TTC38: variants seen among roughly 807,000 people sequenced by gnomAD.
TTC38 encodes the protein tetratricopeptide repeat domain 38, also known as tetratricopeptide repeat protein 38.
In TTC38, 64 loss-of-function variants were observed where a neutral mutation model predicts 64.2. The observed-to-expected ratio is 1.00, with a 90% CI of 0.81 to 1.23. TTC38 has a LOEUF of 1.23. Ranked by LOEUF, TTC38 falls within the 50% of genes most tolerant of loss-of-function variation. The pLI, the probability that TTC38 is intolerant of heterozygous loss-of-function variation, is 0.00. For synonymous variants in TTC38, 254 were observed against 249.3 expected, an observed-to-expected ratio of 1.02 and a Z score of -0.18; for missense variants, 573 against 615.5, an observed-to-expected ratio of 0.93 and a Z score of 0.73.
At chr22:46,278,878 T>A (rs2077513307) in intron 6 of TTC38, among the ~76,000 whole-genome samples, 1 of 152,200 alleles carries the variant, frequency 6.6e-6, no homozygotes, top group Non-Finnish European at 1.5e-5. Flanking sequence ...AGAGCCACGT[T>A]CCTTGGCTAA....
At chr22:46,286,225 C>G (rs2077570601) in intron 9 of TTC38, among the ~76,000 whole-genome samples, 1 of 152,184 alleles carries the variant, frequency 6.6e-6, no homozygotes, top group African/African-American at 2.4e-5. Flanking sequence ...TCACAGCTCC[C>G]AAGGACCCCA....
rs1284342595 is a variant in TTC38 at position 46,277,036 on chromosome 22, T to TAC, written c.540-1549_540-1548insCA. 1.8e-3 allele frequency among the ~76,000 whole-genome samples: 140 copies of TAC among 78,254 alleles called. 1 individual carries two copies. Among genetic ancestry groups the TAC allele is most frequent in the African/African-American group, 8.3e-3 (135 of 16,298 alleles). The allele number at this position is 78,254 out of a possible 152,430, so 51.3% of individuals were successfully genotyped here. ...TTAAATGACCCCAGTAAACAATACATATATATACATACACACACACACACA... is the reference window on the plus strand; with the variant it reads ...TTAAATGACCCCAGTAAACAATACATACATATATACATACACACACACACACA... On this transcript the variant is annotated intron_variant, in intron 5 of 13. Coordinates refer to ENST00000381031, the MANE Select transcript of TTC38 (RefSeq NM_017931.4).
Position 46,277,880 on chromosome 22 carries a change from C to T in TTC38, c.540-706C>T, listed in dbSNP as rs1196865528. The stretch of plus-strand genomic sequence containing the variant: ...CCCAGGGAGGTGCCCCTGGGTCATG[C>T]CTCTGGGTGGATGTCACCATGCAGA... On this transcript the variant is annotated intron_variant, in intron 5 of 13. Transcript: ENST00000381031. 2.6e-5 allele frequency among the ~76,000 whole-genome samples: 4 copies of T among 152,246 alleles called. No individual in the cohort carries two copies. In the East Asian group the frequency reaches 7.8e-4, roughly 30 times the overall value.
In TTC38 at chr22:46,290,000, C is replaced by T. The variant is rs1175571950; in HGVS notation, c.1316+101C>T. On this transcript the variant is annotated intron_variant, in intron 13 of 13. Transcript: ENST00000381031. ...CCCACCACCCTTGGCCCGAGATGCTCCTGCTTCTGAGGCTGTGAGGTCGGG... is the reference window on the plus strand; with the variant it reads ...CCCACCACCCTTGGCCCGAGATGCTTCTGCTTCTGAGGCTGTGAGGTCGGG... The T allele has an allele frequency of 2.6e-5, 27 of 1,058,130 alleles. 2 individuals are homozygous for T. The South Asian group carries it at 2.7e-4, about 10-fold the overall frequency. The allele number at this position is 1,058,130 out of a possible 1,614,324, so 65.5% of individuals were successfully genotyped here. A position where few individuals can be genotyped will look rare whatever the true frequency, so the allele number is the denominator to read the frequency against.
chr22:46,269,895 C>T (rs969422459), intron 2 of TTC38, among the ~76,000 whole-genome samples: 14 of 152,192 alleles, frequency 9.2e-5, no homozygotes, highest in African/African-American at 3.1e-4. Flanking sequence ...CGGGTTCAAG[C>T]GATTGCCCTG....
rs2077544823 is a variant in TTC38 at position 46,282,883 on chromosome 22, G to A, written c.736-1090G>A. Among the ~76,000 whole-genome samples the A allele has an allele frequency of 6.6e-6, 1 of 152,190 alleles. No homozygotes were observed. The highest frequency in any genetic ancestry group is 1.5e-5 in the Non-Finnish European group (1 of 68,024). Reference sequence around the variant, plus strand: ...TCCCCTGGCTCTCGGGGCTTTGCCAGCACCTGTTGGAGTGTGGCCCTGGGC... The same window carrying A: ...TCCCCTGGCTCTCGGGGCTTTGCCAACACCTGTTGGAGTGTGGCCCTGGGC... On this transcript the variant is annotated intron_variant, in intron 7 of 13. Transcript: ENST00000381031. The surrounding 1 kb of genome is among the most constrained non-coding windows in gnomAD (Gnocchi z 4.4).
intron 2 of TTC38, chr22:46,269,264 G>A (rs1168448625): frequency 6.7e-6 from 2 of 297,496 alleles, no homozygotes; most frequent in South Asian, 5.3e-5. Flanking sequence ...TGCTTAGGAC[G>A]TGGGATCCTG....
rs188484538 is a variant in TTC38, at chr22:46,292,133, T to G, written c.1317-658T>G. ...TTTCTTGCTGTGTCCTCACATGACCTTTCCTTTGAGTGCTAATTCTTTCAC... is the reference window on the plus strand; with the variant it reads ...TTTCTTGCTGTGTCCTCACATGACCGTTCCTTTGAGTGCTAATTCTTTCAC... On this transcript the variant is annotated intron_variant, in intron 13 of 13. Transcript: ENST00000381031. The surrounding 1 kb of genome is among the most constrained non-coding windows in gnomAD (Gnocchi z 6.5). 6 of 409,786 alleles carry G rather than the reference T, an allele frequency of 1.5e-5. No homozygotes were observed. The East Asian group carries it at 4.3e-4, about 29-fold the overall frequency. The allele number at this position is 409,786 out of a possible 1,614,324, so 25.4% of individuals were successfully genotyped here.
chr22:46,281,828 T>G lies in TTC38; in HGVS notation c.735+110T>G, dbSNP rs1601877568. On this transcript the variant is annotated intron_variant, in intron 7 of 13. Transcript: ENST00000381031. The surrounding 1 kb of genome is among the most constrained non-coding windows in gnomAD (Gnocchi z 5.2). Reference sequence around the variant, plus strand: ...CAGGGCATGGCTTAATTCTCGGGGTTCCCTCTCCTCCTCCACCTGCACCTG... The same window carrying G: ...CAGGGCATGGCTTAATTCTCGGGGTGCCCTCTCCTCCTCCACCTGCACCTG... 1 of 1,433,008 alleles carries G rather than the reference T, an allele frequency of 7.0e-7. No individual in the cohort carries two copies. The highest frequency in any genetic ancestry group is 9.7e-7 in the Non-Finnish European group (1 of 1,033,072). 88.8% of individuals were successfully genotyped at this position (1,433,008 alleles called of 1,614,324 possible).
intron 8 of TTC38, 113 bp downstream of exon 8, chr22:46,284,145 G>C: frequency 1.2e-6 from 1 of 856,594 alleles, no homozygotes; most frequent in Admixed American, 2.3e-5. Flanking sequence ...ATGCAATGGA[G>C]CATTAACATT....
chr22:46,273,863 T>C lies in TTC38; in HGVS notation c.194-35T>C. The C allele has an allele frequency of 6.2e-7, 1 of 1,611,826 alleles. No individual in the cohort carries two copies. The highest frequency in any genetic ancestry group is 1.1e-5 in the South Asian group (1 of 90,972). Reference sequence around the variant, plus strand: ...GGCTGGGATGGGCTGAGCTGGACCATCTGAACCACCAGCCGTTCTCTAACC... The same window carrying C: ...GGCTGGGATGGGCTGAGCTGGACCACCTGAACCACCAGCCGTTCTCTAACC... On this transcript the variant is annotated intron_variant, in intron 3 of 13. Transcript: ENST00000381031. This position sits in a 1 kb window ranked among gnomAD's most constrained non-coding sequence, Gnocchi z 5.1.
chr22:46,287,699 C>T (rs2077581682), intron 10 of TTC38, among the ~76,000 whole-genome samples: 1 of 152,178 alleles, frequency 6.6e-6, no homozygotes, highest in Non-Finnish European at 1.5e-5. Flanking sequence ...CCTGGAACCA[C>T]AGAGGCCTGG....
intron 2 of TTC38, chr22:46,269,096 C>A (rs12483877): frequency 0.012 from 5,034 of 416,410 alleles, 178 homozygotes; most frequent in East Asian, 0.057. Flanking sequence ...CTGCCCCCCC[C>A]CCACAGCGTC....
Position 46,281,505 on chromosome 22 carries a change from G to T in TTC38, c.616-94G>T. 1 of 1,217,692 alleles carries T rather than the reference G, an allele frequency of 8.2e-7. No homozygotes were observed. 75.4% of individuals were successfully genotyped at this position (1,217,692 alleles called of 1,614,324 possible). On this transcript the variant is annotated intron_variant, in intron 6 of 13. Coordinates refer to ENST00000381031, the MANE Select transcript of TTC38 (RefSeq NM_017931.4). This position sits in a 1 kb window ranked among gnomAD's most constrained non-coding sequence, Gnocchi z 5.2. ...CACTTGCTCCACCCCGTTCAGCCCA[G>T]GCCCCTCTTGCCCCTTAGAGACCTG...
At chr22:46,278,438 C>CT in intron 5 of TTC38, 148 bp from the exon 6 acceptor site, 1 of 675,962 alleles carries the variant, frequency 1.5e-6, no homozygotes, top group Non-Finnish European at 2.6e-6. Flanking sequence ...CTCCTCTAAA[C>CT]TTATTACCTC....
Position 46,282,129 on chromosome 22 carries a change from G to A in TTC38, c.735+411G>A, listed in dbSNP as rs2092891224. Reference sequence around the variant, plus strand: ...GCATCCTGGAGGGGGCAACCTCTGAGTTGGCTACTGAAGGATGAGCAGGTG... The same window carrying A: ...GCATCCTGGAGGGGGCAACCTCTGAATTGGCTACTGAAGGATGAGCAGGTG... On this transcript the variant is annotated intron_variant, in intron 7 of 13. Coordinates refer to ENST00000381031, the MANE Select transcript of TTC38 (RefSeq NM_017931.4). This position sits in a 1 kb window ranked among gnomAD's most constrained non-coding sequence, Gnocchi z 4.4. 3 of 384,204 alleles carry A rather than the reference G, an allele frequency of 7.8e-6. No homozygotes were observed. In the Admixed American group the frequency reaches 9.5e-5, roughly 12 times the overall value. 23.8% of individuals were successfully genotyped at this position (384,204 alleles called of 1,614,324 possible). A position where few individuals can be genotyped will look rare whatever the true frequency, so the allele number is the denominator to read the frequency against.
chr22:46,268,156 A>G, intron 1 of TTC38, 84 bp downstream of exon 1: 2 of 1,445,080 alleles, frequency 1.4e-6, no homozygotes, highest in Non-Finnish European at 1.9e-6. Flanking sequence ...AACGGGAGAC[A>G]TGGCCCGGGC....
Position 46,287,292 on chromosome 22 carries a change from C to T in TTC38, c.916+138C>T, listed in dbSNP as rs909742181. 1.3e-4 allele frequency: 90 copies of T among 677,134 alleles called. No individual in the cohort carries two copies. The East Asian group carries it at 2.6e-3, about 19-fold the overall frequency. 41.9% of individuals were successfully genotyped at this position (677,134 alleles called of 1,614,324 possible). On this transcript the variant is annotated intron_variant, in intron 10 of 13. Transcript: ENST00000381031. ...GACCCCTCTGCAGGCCTGGCCACTG[C>T]CTTGGGTACCGTTCTGCAGCTGCCT...
chr22:46,270,139 C>T lies in TTC38; in HGVS notation c.111+1548C>T, dbSNP rs1936862809. On this transcript the variant is annotated intron_variant, in intron 2 of 13. Transcript: ENST00000381031. This position sits in a 1 kb window ranked among gnomAD's most constrained non-coding sequence, Gnocchi z 4.7. Reference sequence around the variant, plus strand: ...ACCACATCCCCAATCAGTGGCAGCTCATCCTCCCAGCCTGGGTATATTTTG... The same window carrying T: ...ACCACATCCCCAATCAGTGGCAGCTTATCCTCCCAGCCTGGGTATATTTTG... Among the ~76,000 whole-genome samples, 1 of 152,224 alleles carries T rather than the reference C, an allele frequency of 6.6e-6. No individual in the cohort carries two copies. The highest frequency in any genetic ancestry group is 1.9e-4 in the East Asian group (1 of 5,194).
Sources: gnomAD v4.1 joint callset for allele counts (sites outside exome capture counted in the v4.1 genomes callset) on GRCh38, gnomAD v4.1.1 for gene constraint, Gnocchi (gnomAD v3.1) non-coding constraint, MANE v1.5 for transcripts, NCBI Gene and HGNC (gene_info 2026-07-23, HGNC 2026-07-21) for gene names.